Variants in ESR1 observed in about 807,000 individuals in gnomAD.
The protein encoded by ESR1 is estrogen receptor 1, also known as estrogen receptor.
Under a neutral mutation model 52.7 loss-of-function variants are expected in ESR1, and 12 were observed. That is an observed-to-expected ratio of 0.23 (90% CI 0.15 to 0.37). ESR1 has a LOEUF of 0.37. Among genes scored for constraint, ESR1 ranks in the 10% least tolerant of loss-of-function variants. The pLI is 1.00. For synonymous variants in ESR1, 305 were observed against 316.8 expected, an observed-to-expected ratio of 0.96 and a Z score of 0.39; for missense variants, 584 against 779.7, an observed-to-expected ratio of 0.75 and a Z score of 2.99.
chr6:152,086,372 G>GTATTTAAATAAATACTTAATATT (rs1393048632), intron 6 of ESR1, among the ~76,000 whole-genome samples: 3 of 149,084 alleles, frequency 2.0e-5, no homozygotes, highest in Admixed American at 2.0e-4. Context: ...ATTACAAAAT[G>GTATTTAAATAAATACTTAATATT]TATTTAAATA....
At chr6:151,672,341 AT>A (rs35391281) in intron 1 of ESR1, among the ~76,000 whole-genome samples, 84,215 of 146,534 alleles carry the variant, frequency 0.57, 24,096 homozygotes, top group African/African-American at 0.68. Context: ...TTGTATTTGT[AT>A]TTTTTTTTTT....
At chr6:152,109,818 C>G (rs1161401137) in intron 6 of ESR1, among the ~76,000 whole-genome samples, 1 of 152,148 alleles carries the variant, frequency 6.6e-6, no homozygotes, top group African/African-American at 2.4e-5. Flanking sequence ...TATAGATAAC[C>G]TGGGGTGCCG....
intron 4 of ESR1, among the ~76,000 whole-genome samples, chr6:151,978,208 A>G (rs2039647876): frequency 6.6e-6 from 1 of 152,134 alleles, no homozygotes; most frequent in African/African-American, 2.4e-5. Context: ...ATCTGGAAAT[A>G]AAAAAGTATA....
At chr6:151,813,371 A>G (rs1251831101) in intron 1 of ESR1, 1 of 152,052 alleles carries the variant, frequency 6.6e-6, no homozygotes, top group Non-Finnish European at 1.5e-5. Flanking sequence ...TGGTGGTGGT[A>G]ATGATCCATG....
At chr6:151,907,614 A>ATT (rs1371342141) in intron 3 of ESR1, among the ~76,000 whole-genome samples, 57 of 152,206 alleles carry the variant, frequency 3.7e-4, no homozygotes, top group African/African-American at 1.4e-3. Context: ...AGCTGCATTA[A>ATT]TATTCCAGCA....
At chr6:151,947,702 T>C (rs1330906277) in intron 4 of ESR1, among the ~76,000 whole-genome samples, 1 of 152,204 alleles carries the variant, frequency 6.6e-6, no homozygotes, top group African/African-American at 2.4e-5. Context: ...AGCTTTGGGA[T>C]AGAATGCATC....
Position 151,699,770 on chromosome 6 carries a change from A to G in ESR1, c.-201-2105A>G, listed in dbSNP as rs1485343483. 2.0e-5 allele frequency among the ~76,000 whole-genome samples: 3 copies of G among 152,194 alleles called. 1 individual carries two copies. The highest frequency in any genetic ancestry group is 2.0e-4 in the Admixed American group (3 of 15,274). ...GGATTTATGGTAGATTATATAATGGAATCCTGAGTTCTGAGAGATCAAAGG... is the reference window on the plus strand; with the variant it reads ...GGATTTATGGTAGATTATATAATGGGATCCTGAGTTCTGAGAGATCAAAGG... On this transcript the variant is annotated intron_variant, in intron 1 of 2. Transcript: ENST00000404742.
chr6:151,915,952 T>G (rs564943493), intron 3 of ESR1, among the ~76,000 whole-genome samples: 1 of 152,268 alleles, frequency 6.6e-6, no homozygotes, highest in African/African-American at 2.4e-5. Flanking sequence ...ATATTTAGCA[T>G]TTGACATTTG....
chr6:151,815,828 A>T (rs1432145280), intron 1 of ESR1, among the ~76,000 whole-genome samples: 1 of 152,228 alleles, frequency 6.6e-6, no homozygotes, highest in Non-Finnish European at 1.5e-5. Context: ...AGCAAGGCTC[A>T]CTTCTCCTTG....
intron 3 of ESR1, among the ~76,000 whole-genome samples, chr6:151,943,204 C>T (rs1216436201): frequency 1.3e-5 from 2 of 151,944 alleles, no homozygotes; most frequent in Non-Finnish European, 2.9e-5. Flanking sequence ...CACGGCGAAA[C>T]CCCGTCTCTA....
chr6:151,817,563 A>G (rs1779863505), intron 1 of ESR1, among the ~76,000 whole-genome samples: 2 of 152,228 alleles, frequency 1.3e-5, no homozygotes, highest in African/African-American at 4.8e-5. Context: ...GTAGCTTTCA[A>G]TTCTACTCCT....
chr6:151,994,551 T>G (rs1310197513), intron 4 of ESR1, among the ~76,000 whole-genome samples: 2 of 152,170 alleles, frequency 1.3e-5, no homozygotes, highest in Admixed American at 6.5e-5. Context: ...GATGCCCTAA[T>G]ATGCTCCTCA....
intron 5 of ESR1, among the ~76,000 whole-genome samples, chr6:152,045,402 C>A (rs1369974720): frequency 2.0e-5 from 3 of 152,158 alleles, no homozygotes; most frequent in Admixed American, 1.3e-4. Flanking sequence ...GTACTCCACA[C>A]TGTGTTCAGA....
chr6:151,938,663 C>G (rs1463330737), intron 3 of ESR1, among the ~76,000 whole-genome samples: 1 of 152,192 alleles, frequency 6.6e-6, no homozygotes, highest in African/African-American at 2.4e-5. Context: ...CCTCCTCATT[C>G]CTATTGCCTG....
chr6:152,048,790 G>T lies in ESR1; in HGVS notation c.1236-12201G>T, dbSNP rs1167618073. 2.0e-5 allele frequency among the ~76,000 whole-genome samples: 3 copies of T among 152,316 alleles called. 1 individual carries two copies. The East Asian group carries it at 5.8e-4, about 29-fold the overall frequency. On this transcript the variant is annotated intron_variant, in intron 5 of 7. Transcript: ENST00000206249. ...TTACGGAGAAGATGAAGTATTAATTGTATTTTTTACAGAGAAACAATGGTC... is the reference window on the plus strand; with the variant it reads ...TTACGGAGAAGATGAAGTATTAATTTTATTTTTTACAGAGAAACAATGGTC...
At chr6:151,735,008 G>C (rs1427931834) in intron 2 of ESR1, among the ~76,000 whole-genome samples, 1 of 152,118 alleles carries the variant, frequency 6.6e-6, no homozygotes, top group African/African-American at 2.4e-5. Context: ...ACTTTGTTAA[G>C]TCATTTTGAT....
Position 151,817,318 on chromosome 6 carries a change from C to T in ESR1, c.452+8954C>T, listed in dbSNP as rs553628715. On this transcript the variant is annotated intron_variant, in intron 1 of 7. Coordinates refer to ENST00000206249, the MANE Select transcript of ESR1 (RefSeq NM_000125.4). The stretch of plus-strand genomic sequence containing the variant: ...TTTTGGGGCTTTTCTCACTGATTTA[C>T]AGTTAAAGCTCATTTACTCTTCCTA... Among the ~76,000 whole-genome samples, 12 of 152,308 alleles carry T rather than the reference C, an allele frequency of 7.9e-5. No individual in the cohort carries two copies. In the East Asian group the frequency reaches 1.4e-3, roughly 17 times the overall value.
chr6:151,712,987 C>A (rs530703986), intron 2 of ESR1, among the ~76,000 whole-genome samples: 177 of 152,180 alleles, frequency 1.2e-3, no homozygotes, highest in Middle Eastern at 3.4e-3. Context: ...TCATGAATAT[C>A]TCTTATTATT....
intron 3 of ESR1, among the ~76,000 whole-genome samples, chr6:151,891,004 T>A (rs908006178): frequency 6.6e-6 from 1 of 152,218 alleles, no homozygotes; most frequent in Admixed American, 6.5e-5. Flanking sequence ...TTTTCTATAG[T>A]GGTATCCTTT....
Sources: gnomAD v4.1 joint callset for allele counts (sites outside exome capture counted in the v4.1 genomes callset) on GRCh38, gnomAD v4.1.1 for gene constraint, MANE v1.5 for transcripts, NCBI Gene and HGNC (gene_info 2026-07-23, HGNC 2026-07-21) for gene names.